The following NEBL variants were observed in gnomAD, a reference collection of about 807,000 sequenced individuals.
NEBL encodes the protein nebulette, also known as LIM and SH3 protein 2.
Under a neutral mutation model 140.2 loss-of-function variants are expected in NEBL, and 122 were observed. The observed-to-expected ratio is 0.87, with a 90% confidence interval of 0.75 to 1.01. The LOEUF is 1.01. Among genes scored for constraint, NEBL ranks in the 50% least tolerant of loss-of-function variants. The probability of loss-of-function intolerance (pLI) is 0.00; values close to 1 mark genes in which losing one functional copy is unlikely to be tolerated. For synonymous variants in NEBL, 436 were observed against 398.9 expected, an observed-to-expected ratio of 1.09 and a Z score of -1.11; for missense variants, 1,365 against 1,231.3, an observed-to-expected ratio of 1.11 and a Z score of -1.62.
chr10:20,902,124 C>T (rs777467820), upstream of NEBL, among the ~76,000 whole-genome samples: 1 of 152,018 alleles, frequency 6.6e-6, no homozygotes, highest in Non-Finnish European at 1.5e-5. Context: ...AATAAGGTGG[C>T]CGGGCGCGGT....
intron 7 of NEBL, among the ~76,000 whole-genome samples, chr10:20,865,648 T>A (rs1844199252): frequency 6.6e-6 from 1 of 152,142 alleles, no homozygotes; most frequent in Non-Finnish European, 1.5e-5. Context: ...CCCTGTCTCT[T>A]CAACTAGCAT....
intron 6 of NEBL, 80 bp downstream of exon 6, chr10:20,869,660 C>T: frequency 2.2e-6 from 2 of 906,426 alleles, no homozygotes; most frequent in Non-Finnish European, 3.7e-6. Context: ...TTAAATGAAC[C>T]ATCCAACCAC....
At chr10:21,010,330 G>A (rs894530857) in intron 3 of NEBL, among the ~76,000 whole-genome samples, 3 of 152,050 alleles carry the variant, frequency 2.0e-5, no homozygotes, top group Admixed American at 2.0e-4. Flanking sequence ...CTACAACCTC[G>A]ACCTTCTGGG....
chr10:21,136,987 T>C (rs1214252557), intron 2 of NEBL, among the ~76,000 whole-genome samples: 1 of 152,198 alleles, frequency 6.6e-6, no homozygotes, highest in Non-Finnish European at 1.5e-5. Context: ...TTCTGGTGAC[T>C]TCCCTGACTG....
At chr10:21,082,446 A>C (rs1220876247) in intron 2 of NEBL, among the ~76,000 whole-genome samples, 1 of 151,270 alleles carries the variant, frequency 6.6e-6, no homozygotes, top group East Asian at 1.9e-4. Flanking sequence ...TCATTCTGGC[A>C]ACTTACTTTC....
intron 2 of NEBL, among the ~76,000 whole-genome samples, chr10:21,027,695 T>C (rs1406963053): frequency 2.0e-5 from 3 of 152,084 alleles, no homozygotes; most frequent in Admixed American, 6.5e-5. Flanking sequence ...GCTTTTTAGC[T>C]CCTCCTCTCT....
intron 2 of NEBL, among the ~76,000 whole-genome samples, chr10:21,151,489 T>C (rs1177041318): frequency 6.6e-6 from 1 of 152,202 alleles, no homozygotes; most frequent in Non-Finnish European, 1.5e-5. Context: ...ATTAGTGCTT[T>C]ATTTTTACAA....
intron 8 of NEBL, among the ~76,000 whole-genome samples, chr10:20,858,620 G>T (rs540737501): frequency 1.1e-4 from 17 of 152,266 alleles, no homozygotes; most frequent in South Asian, 2.1e-4. Flanking sequence ...CAGTAACTCT[G>T]CTTTCAAAAA....
chr10:20,832,929 C>T (rs1840551403), intron 14 of NEBL, among the ~76,000 whole-genome samples: 1 of 152,214 alleles, frequency 6.6e-6, no homozygotes, highest in African/African-American at 2.4e-5. Flanking sequence ...AAAAAGCACT[C>T]TGTTTTAGTC....
chr10:20,828,670 ATGTG>A, intron 16 of NEBL, 36 bp from the exon 17 acceptor site: 2 of 1,359,388 alleles, frequency 1.5e-6, no homozygotes, highest in Non-Finnish European at 2.1e-6. Context: ...ATCTGAAACT[ATGTG>A]TGTGCGCACA....
At chr10:21,139,824 T>C (rs993599632) in intron 2 of NEBL, among the ~76,000 whole-genome samples, 1 of 151,948 alleles carries the variant, frequency 6.6e-6, no homozygotes, top group Non-Finnish European at 1.5e-5. Context: ...TGTGTGAAGC[T>C]CAGAATAATC....
chr10:21,154,309 A>C (rs1165010349), intron 2 of NEBL, among the ~76,000 whole-genome samples: 1 of 151,956 alleles, frequency 6.6e-6, no homozygotes, highest in East Asian at 1.9e-4. Flanking sequence ...AAATACAAAA[A>C]TTAGCCAAGC....
intron 3 of NEBL, among the ~76,000 whole-genome samples, chr10:20,972,555 C>T (rs575397062): frequency 7.2e-5 from 11 of 151,978 alleles, no homozygotes; most frequent in African/African-American, 2.2e-4. Context: ...CCATCCTGGC[C>T]AACATGGTGA....
chr10:21,268,256 G>A (rs1398445600), intron 1 of NEBL, among the ~76,000 whole-genome samples: 1 of 151,954 alleles, frequency 6.6e-6, no homozygotes, highest in African/African-American at 2.4e-5. Context: ...ATCAGTTGAG[G>A]ACAGGAGTTC....
chr10:21,048,621 G>A (rs1182891282), intron 2 of NEBL, among the ~76,000 whole-genome samples: 1 of 152,086 alleles, frequency 6.6e-6, no homozygotes, highest in South Asian at 2.1e-4. Context: ...TCAAGGAATT[G>A]GCTCACATAA....
intron 4 of NEBL, among the ~76,000 whole-genome samples, chr10:20,919,573 C>A (rs1187041776): frequency 1.3e-5 from 2 of 152,154 alleles, no homozygotes; most frequent in East Asian, 3.9e-4. Context: ...ACAGGACAAA[C>A]GTCATCCAAG....
intron 3 of NEBL, among the ~76,000 whole-genome samples, chr10:21,192,578 C>T (rs899824134): frequency 4.0e-5 from 6 of 151,378 alleles, no homozygotes; most frequent in African/African-American, 1.5e-4. Context: ...GGCGTTGTGG[C>T]TCACACCTGT....
chr10:20,894,905 G>A (rs1346736285), intron 2 of NEBL, among the ~76,000 whole-genome samples: 5 of 149,166 alleles, frequency 3.4e-5, no homozygotes, highest in Middle Eastern at 3.5e-3. Flanking sequence ...CTCCAGCCTG[G>A]GTGATAGAGC....
Position 20,980,401 on chromosome 10 carries a change from A to G in NEBL, c.250-18622T>C, listed in dbSNP as rs1836989193. Among the ~76,000 whole-genome samples, 5 of 151,316 alleles carry G rather than the reference A, an allele frequency of 3.3e-5. No individual in the cohort carries two copies. In the South Asian group the frequency reaches 8.3e-4, roughly 25 times the overall value. On this transcript the variant is annotated intron_variant, in intron 3 of 6. Coordinates refer to the NEBL transcript ENST00000417816. The stretch of plus-strand genomic sequence containing the variant: ...AAGAACCAGAAAAAGAAAAAAAAAT[A>G]TATTTAGGTGCTTGAGAAAGAAGAA...
Sources: allele counts gnomAD v4.1 joint callset (sites outside exome capture counted in the v4.1 genomes callset), GRCh38; gene constraint gnomAD v4.1.1; transcripts MANE v1.5; gene names NCBI Gene and HGNC (gene_info 2026-07-23, HGNC 2026-07-21).